Variants in DGKB observed in about 807,000 individuals in gnomAD.
The protein encoded by DGKB is 90 kDa diacylglycerol kinase.
A neutral mutation model predicts 114.3 loss-of-function variants in DGKB; 67 were observed. The ratio of observed to expected loss-of-function variants is 0.59; its 90% CI spans 0.48 to 0.72. The LOEUF (loss-of-function observed/expected upper bound fraction) is 0.72, where lower values mean the gene tolerates loss of function less well. DGKB is among the 30% of genes least tolerant of loss of function. DGKB has a pLI of 0.00. For synonymous variants in DGKB, 398 were observed against 323.1 expected (o/e 1.23, Z -2.49); for missense variants, 907 against 975.2 (o/e 0.93, Z 0.93).
At chr7:14,535,523 G>C (rs1792322914) in intron 20 of DGKB, among the ~76,000 whole-genome samples, 1 of 151,890 alleles carries the variant, frequency 6.6e-6, no homozygotes, top group African/African-American at 2.4e-5. Context: ...CTGAAGATTA[G>C]AACAGAAAAA....
intron 15 of DGKB, among the ~76,000 whole-genome samples, chr7:14,613,704 T>TA (rs546989333): frequency 5.9e-4 from 85 of 144,170 alleles, no homozygotes; most frequent in Non-Finnish European, 5.7e-4. Flanking sequence ...TCCTGTAAGA[T>TA]AAAAAAAAAA....
chr7:14,805,936 A>T (rs1842741495), intron 2 of DGKB, among the ~76,000 whole-genome samples: 1 of 151,124 alleles, frequency 6.6e-6, no homozygotes. Context: ...GACCAGTTCA[A>T]ATGGTTTCAG....
intron 20 of DGKB, among the ~76,000 whole-genome samples, chr7:14,501,839 C>T (rs928300374): frequency 1.3e-5 from 2 of 151,854 alleles, no homozygotes; most frequent in African/African-American, 4.8e-5. Flanking sequence ...ATTCAAGGAG[C>T]TGTACCTGAG....
At chr7:14,959,305 A>G (rs903438076) in intron 1 of DGKB, among the ~76,000 whole-genome samples, 1 of 151,884 alleles carries the variant, frequency 6.6e-6, no homozygotes, top group African/African-American at 2.4e-5. Flanking sequence ...TTTATGTGAA[A>G]GCTACTGATT....
chr7:14,725,424 A>T (rs143227261), intron 5 of DGKB, among the ~76,000 whole-genome samples: 1,551 of 152,302 alleles, frequency 0.01, 31 homozygotes, highest in African/African-American at 0.036. Flanking sequence ...AAACCACCAC[A>T]TATTAAAAGA....
Position 14,820,397 on chromosome 7 carries a change from A to G in DGKB, c.70+20797T>C, listed in dbSNP as rs1316948272. On this transcript the variant is annotated intron_variant, in intron 2 of 25. Transcript: ENST00000402815. Reference sequence around the variant, plus strand: ...TAGTGTATTGTTTAAACGCTATAGTATGGTGTGCCAAATGCTAAAATCCTA... The same window carrying G: ...TAGTGTATTGTTTAAACGCTATAGTGTGGTGTGCCAAATGCTAAAATCCTA... Among the ~76,000 whole-genome samples the G allele has an allele frequency of 3.3e-5, 5 of 152,172 alleles. 1 individual carries two copies. Among genetic ancestry groups the G allele is most frequent in the Admixed American group, 6.6e-5 (1 of 15,262 alleles).
intron 22 of DGKB, among the ~76,000 whole-genome samples, chr7:14,343,255 A>T (rs1219021041): frequency 1.3e-5 from 2 of 150,428 alleles, no homozygotes; most frequent in African/African-American, 2.4e-5. Flanking sequence ...GTGATTTATA[A>T]ATATTATTTT....
At chr7:14,491,734 G>A (rs79348548) in intron 20 of DGKB, among the ~76,000 whole-genome samples, 307 of 151,988 alleles carry the variant, frequency 2.0e-3, no homozygotes, top group African/African-American at 6.9e-3. Context: ...ACAAAATATC[G>A]TTGATTGATT....
At chr7:14,214,939 T>C (rs959936561) in intron 23 of DGKB, among the ~76,000 whole-genome samples, 13 of 152,082 alleles carry the variant, frequency 8.5e-5, no homozygotes, top group Non-Finnish European at 1.6e-4. Context: ...CCTCCCTCCT[T>C]CTCCCACTCC....
rs1412386756 is a variant in DGKB at position 14,757,683 on chromosome 7, C to A, written c.119G>T (p.Gly40Val). Reference protein sequence around the residue: ...KDVLEEFHGNGVLAKYNPEGK... With the variant: ...KDVLEEFHGNVVLAKYNPEGK... ...TTCAGGATTATACTTTGCAAGCACA[C>A]CATTACCATGGAATTCTTCAAGAAC... The change falls in exon 3 of 26, where the codon GGT becomes GTT. Residue 40 changes from glycine to valine, a missense_variant. Physicochemically the swap from Gly to Val is moderately radical, Grantham distance 109. Around this residue, in one of 3 missense-constraint regions of DGKB, gnomAD observed 814 missense variants for 856.6 expected, o/e 0.95. Coordinates refer to ENST00000402815, the MANE Select transcript of DGKB (RefSeq NM_001350709.2). The A allele has an allele frequency of 6.2e-7, 1 of 1,605,006 alleles. No homozygotes were observed. Among genetic ancestry groups the A allele is most frequent in the Non-Finnish European group, 8.5e-7 (1 of 1,173,448 alleles).
chr7:14,719,771 C>T (rs1828835537), intron 5 of DGKB, among the ~76,000 whole-genome samples: 1 of 152,074 alleles, frequency 6.6e-6, no homozygotes, highest in African/African-American at 2.4e-5. Flanking sequence ...GTGATATGTC[C>T]CAAGTTAGTT....
At chr7:14,813,538 T>C (rs1325777261) in intron 2 of DGKB, among the ~76,000 whole-genome samples, 2 of 152,174 alleles carry the variant, frequency 1.3e-5, no homozygotes, top group African/African-American at 2.4e-5. Flanking sequence ...CTCTTTCTTA[T>C]CTAACCTTTT....
chr7:14,948,973 TAA>T (rs1315510280), intron 1 of DGKB, among the ~76,000 whole-genome samples: 2 of 151,668 alleles, frequency 1.3e-5, no homozygotes, highest in African/African-American at 4.8e-5. Context: ...CAAGATATAA[TAA>T]AGTGAACCCA....
chr7:14,266,134 G>A (rs957218269), intron 23 of DGKB, among the ~76,000 whole-genome samples: 2 of 152,122 alleles, frequency 1.3e-5, no homozygotes, highest in African/African-American at 2.4e-5. Flanking sequence ...ATAGCTATCA[G>A]TGTGTAGAGA....
intron 21 of DGKB, among the ~76,000 whole-genome samples, chr7:14,366,196 C>A (rs144806015): frequency 8.2e-4 from 125 of 152,190 alleles, no homozygotes; most frequent in South Asian, 7.0e-3. Context: ...GTTTATCATG[C>A]TAGATTACAA....
At chr7:14,776,300 T>C (rs553521755) in intron 2 of DGKB, among the ~76,000 whole-genome samples, 25 of 152,144 alleles carry the variant, frequency 1.6e-4, no homozygotes, top group African/African-American at 2.4e-5. Flanking sequence ...TGGGGAGAAA[T>C]ACAAGCCAGC....
chr7:14,634,301 G>C (rs1810309614), intron 13 of DGKB, among the ~76,000 whole-genome samples: 1 of 151,494 alleles, frequency 6.6e-6, no homozygotes, highest in Non-Finnish European at 1.5e-5. Context: ...GTTAGTGACA[G>C]AATATTGCTT....
rs532020115 is a variant in DGKB, at chr7:14,594,859, A to T, written c.1434-11722T>A. Among the ~76,000 whole-genome samples, 5 of 152,256 alleles carry T rather than the reference A, an allele frequency of 3.3e-5. No homozygotes were observed. In the South Asian group the frequency reaches 1.0e-3, roughly 32 times the overall value. ...ACAAAAGAATAGCTCTAAATACTTTATAAATGAAATGGCACCTGTATCTAT... is the reference window on the plus strand; with the variant it reads ...ACAAAAGAATAGCTCTAAATACTTTTTAAATGAAATGGCACCTGTATCTAT... On this transcript the variant is annotated intron_variant, in intron 17 of 25. Transcript: ENST00000402815.
At chr7:14,927,582 G>A (rs1470739583) in intron 1 of DGKB, among the ~76,000 whole-genome samples, 2 of 151,626 alleles carry the variant, frequency 1.3e-5, no homozygotes, top group East Asian at 3.9e-4. Flanking sequence ...AGAAGTCATG[G>A]TCAAAAAATA....
Sources: allele counts gnomAD v4.1 joint callset (sites outside exome capture counted in the v4.1 genomes callset), GRCh38; gene constraint gnomAD v4.1.1; regional missense constraint gnomAD v4.1.1; transcripts MANE v1.5; gene names NCBI Gene and HGNC (gene_info 2026-07-23, HGNC 2026-07-21).